The following OTUB1 variants were observed in gnomAD, a reference collection of about 807,000 sequenced individuals.
The protein encoded by OTUB1 is ubiquitin thioesterase OTUB1.
OTUB1 carries 10 observed loss-of-function variants against 35.8 expected under a neutral mutation model. The ratio of observed to expected loss-of-function variants is 0.28; its 90% CI spans 0.17 to 0.47. The LOEUF (loss-of-function observed/expected upper bound fraction) is 0.47, where lower values mean the gene tolerates loss of function less well. OTUB1 is among the 20% of genes least tolerant of loss of function. OTUB1 has a pLI of 0.99. For missense variants in OTUB1, 264 were observed against 351.6 expected, an observed-to-expected ratio of 0.75 and a Z score of 1.99; for synonymous variants, 158 against 143.8, an observed-to-expected ratio of 1.10 and a Z score of -0.71.
chr11:63,987,259 G>C (rs1808373469), intron 1 of OTUB1, among the ~76,000 whole-genome samples: 1 of 152,222 alleles, frequency 6.6e-6, no homozygotes, highest in South Asian at 2.1e-4. Flanking sequence ...ATTTGGGATG[G>C]CGAGCCCCAA....
chr11:63,998,053 G>T lies in OTUB1; in HGVS notation c.*507G>T, dbSNP rs534025853. 1.2e-4 allele frequency: 55 copies of T among 468,352 alleles called. No homozygotes were observed. The highest frequency in any genetic ancestry group is 2.0e-4 in the Non-Finnish European group (53 of 258,584). 29.0% of individuals were successfully genotyped at this position (468,352 alleles called of 1,614,324 possible). A position where few individuals can be genotyped will look rare whatever the true frequency, so the allele number is the denominator to read the frequency against. On this transcript the variant is annotated 3_prime_UTR_variant, in exon 7 of 7. Coordinates refer to ENST00000538426, the MANE Select transcript of OTUB1 (RefSeq NM_017670.3). ...CTCCACCGGGAGTCTGCATGGTTGGGAGTCCTGGGTGGAGGGGCCTTTGTG... is the reference window on the plus strand; with the variant it reads ...CTCCACCGGGAGTCTGCATGGTTGGTAGTCCTGGGTGGAGGGGCCTTTGTG...
Position 63,997,887 on chromosome 11 carries a change from T to G in OTUB1, c.*341T>G. The G allele has an allele frequency of 1.6e-6, 1 of 623,224 alleles. No homozygotes were observed. The highest frequency in any genetic ancestry group is 2.9e-6 in the Non-Finnish European group (1 of 347,114). The allele number at this position is 623,224 out of a possible 1,614,324, so 38.6% of individuals were successfully genotyped here. A position where few individuals can be genotyped will look rare whatever the true frequency, so the allele number is the denominator to read the frequency against. ...GTTGGGTTCTGCTTCCTTCCCTTCT[T>G]AGCTGGCTCAGGGGCTTCTATGGGA... On this transcript the variant is annotated 3_prime_UTR_variant, in exon 7 of 7. Coordinates refer to ENST00000538426, the MANE Select transcript of OTUB1 (RefSeq NM_017670.3).
Position 63,996,608 on chromosome 11 carries a change from C to T in OTUB1, c.298C>T (p.His100Tyr), listed in dbSNP as rs1442604675. ...TTTCTATCGGGCTTTCGGATTCTCC[C>T]ACTTGGAGGCACTGCTGGATGACAG... ...NCFYRAFGFS[H>Y]LEALLDDSKE... Residue 100 changes from histidine (H) to tyrosine (Y), a missense_variant, in exon 4 of 7, where the codon CAC becomes TAC. Coordinates refer to ENST00000538426, the MANE Select transcript of OTUB1 (RefSeq NM_017670.3). The T allele has an allele frequency of 1.2e-6, 2 of 1,614,228 alleles. No homozygotes were observed. The highest frequency in any genetic ancestry group is 1.7e-6 in the Non-Finnish European group (2 of 1,180,026).
intron 3 of OTUB1, among the ~76,000 whole-genome samples, chr11:63,991,959 T>C (rs966631238): frequency 5.3e-5 from 8 of 152,152 alleles, no homozygotes; most frequent in Admixed American, 5.2e-4. Context: ...GGCTCACGCC[T>C]GTAATCCCAG....
chr11:63,989,523 T>G (rs980403376), intron 3 of OTUB1: 2 of 151,198 alleles, frequency 1.3e-5, no homozygotes, highest in Admixed American at 1.3e-4. Flanking sequence ...GGTCAGGAGT[T>G]CGAGACCAGC....
chr11:63,991,292 C>T (rs555676090), intron 3 of OTUB1, among the ~76,000 whole-genome samples: 3 of 152,284 alleles, frequency 2.0e-5, no homozygotes, highest in East Asian at 3.9e-4. Context: ...TGCTCCTCTC[C>T]CCATACAGGG....
intron 3 of OTUB1, among the ~76,000 whole-genome samples, chr11:63,991,083 A>G (rs1408031735): frequency 6.6e-6 from 1 of 152,082 alleles, no homozygotes; most frequent in East Asian, 1.9e-4. Flanking sequence ...CTGTGGAGAG[A>G]TGAAGGCACT....
Position 63,986,528 on chromosome 11 carries a change from G to A in OTUB1, c.58+14G>A. The A allele has an allele frequency of 6.5e-7, 1 of 1,542,906 alleles. No individual in the cohort carries two copies. Among genetic ancestry groups the A allele is most frequent in the Non-Finnish European group, 8.8e-7 (1 of 1,141,806 alleles). On this transcript the variant is annotated intron_variant, in intron 1 of 6. Coordinates refer to ENST00000538426, the MANE Select transcript of OTUB1 (RefSeq NM_017670.3). ...GCGACTCCGAAGGTACAGATCCAAGGAGGGATGTCCGGCCCGGGCTAGTGG... is the reference window on the plus strand; with the variant it reads ...GCGACTCCGAAGGTACAGATCCAAGAAGGGATGTCCGGCCCGGGCTAGTGG...
chr11:63,997,582 C>T lies in OTUB1; in HGVS notation c.*36C>T. ...AGCCCGCTGCTGCCCTGCTGCCCCC[C>T]TCTGCCAGGCGCTAGACATGTACAG... On this transcript the variant is annotated 3_prime_UTR_variant, in exon 7 of 7. Transcript: ENST00000538426. 1.9e-6 allele frequency: 3 copies of T among 1,572,420 alleles called. No individual in the cohort carries two copies. Among genetic ancestry groups the T allele is most frequent in the Non-Finnish European group, 2.6e-6 (3 of 1,143,596 alleles).
chr11:63,994,248 ACT>A (rs1160412093), intron 3 of OTUB1, among the ~76,000 whole-genome samples: 2 of 152,032 alleles, frequency 1.3e-5, no homozygotes, highest in Non-Finnish European at 2.9e-5. Context: ...GTGTGCAGTG[ACT>A]GTTTTCCTTT....
intron 3 of OTUB1, among the ~76,000 whole-genome samples, chr11:63,993,729 T>G (rs1942693429): frequency 6.6e-6 from 1 of 151,994 alleles, no homozygotes; most frequent in Admixed American, 6.6e-5. Context: ...TACATTTTTG[T>G]AGAGATGAGG....
chr11:63,997,274 C>A, intron 6 of OTUB1, 30 bp downstream of exon 6: 3 of 1,610,908 alleles, frequency 1.9e-6, no homozygotes, highest in South Asian at 2.2e-5. Context: ...TACTCTCGGC[C>A]GGGGGAGTGC....
At chr11:63,994,560 G>C (rs1942700376) in intron 3 of OTUB1, among the ~76,000 whole-genome samples, 1 of 152,216 alleles carries the variant, frequency 6.6e-6, no homozygotes, top group African/African-American at 2.4e-5. Flanking sequence ...CTCAGTGACT[G>C]TTTTCTTGCA....
chr11:63,996,509 G>A (rs370813081), intron 3 of OTUB1, 21 bp from the exon 4 acceptor site: 137 of 1,613,110 alleles, frequency 8.5e-5, no homozygotes, highest in Non-Finnish European at 1.0e-4. Context: ...TTAACCTGTC[G>A]GGGTGGGGCT....
Position 63,997,085 on chromosome 11 carries a change from C to A in OTUB1, c.459C>A (p.Thr153=). 6.2e-7 allele frequency: 1 copy of A among 1,614,208 alleles called. No homozygotes were observed. The highest frequency in any genetic ancestry group is 1.1e-5 in the South Asian group (1 of 91,088). Residue 153 remains threonine, a synonymous_variant, in exon 6 of 7, where the codon ACC becomes ACA. Transcript: ENST00000538426. ...MDLIEQVEKQ[T]SVADLLASFN... ...TGATTGAGCAGGTGGAGAAGCAGAC[C>A]TCTGTCGCCGACCTGCTGGCCTCCT...
At chr11:63,994,360 C>T (rs1436771643) in intron 3 of OTUB1, among the ~76,000 whole-genome samples, 1 of 152,204 alleles carries the variant, frequency 6.6e-6, no homozygotes, top group South Asian at 2.1e-4. Context: ...TCAAGTGATT[C>T]TCTTGCCTCA....
chr11:63,986,463 G>A lies in OTUB1; in HGVS notation c.7G>A (p.Ala3Thr), dbSNP rs1193543920. Residue 3 changes from alanine (A) to threonine (T), a missense_variant, in exon 1 of 7, where the codon GCG becomes ACG. Around this residue, in one of 2 missense-constraint regions of OTUB1, gnomAD observed 50 missense variants for 34.5 expected, o/e 1.45. Coordinates refer to ENST00000538426, the MANE Select transcript of OTUB1 (RefSeq NM_017670.3). MAAEEPQQQKQEP... is the reference protein window; with the variant it reads MATEEPQQQKQEP... The stretch of plus-strand genomic sequence containing the variant: ...AGTGCGGCGCTGTTTAAAGATGGCG[G>A]CGGAGGAACCTCAGCAGCAGAAGCA... 2 of 1,555,238 alleles carry A rather than the reference G, an allele frequency of 1.3e-6. No individual in the cohort carries two copies. The highest frequency in any genetic ancestry group is 1.7e-6 in the Non-Finnish European group (2 of 1,149,576).
chr11:63,997,292 C>A (rs996934744), intron 6 of OTUB1, 48 bp downstream of exon 6: 1 of 1,611,248 alleles, frequency 6.2e-7, no homozygotes, highest in African/African-American at 1.3e-5. Flanking sequence ...TGCAGTGGGC[C>A]CACAGGGCCT....
chr11:63,986,799 C>T (rs955426406), intron 1 of OTUB1: 120 of 405,696 alleles, frequency 3.0e-4, no homozygotes, highest in South Asian at 1.2e-4. Flanking sequence ...TGCCCAACCC[C>T]TCGGCTCCTG....
Sources: allele counts gnomAD v4.1 joint callset (sites outside exome capture counted in the v4.1 genomes callset), GRCh38; gene constraint gnomAD v4.1.1; regional missense constraint gnomAD v4.1.1; transcripts MANE v1.5; gene names NCBI Gene and HGNC (gene_info 2026-07-23, HGNC 2026-07-21).